Variants in EGFR observed in about 807,000 individuals in gnomAD.
EGFR encodes avian erythroblastic leukemia viral (v-erb-b) oncogene homolog.
Under a neutral mutation model 143.0 loss-of-function variants are expected in EGFR, and 58 were observed. The ratio of observed to expected loss-of-function variants is 0.41; its 90% CI spans 0.33 to 0.50. EGFR has a LOEUF of 0.50. Among genes scored for constraint, EGFR ranks in the 20% least tolerant of loss-of-function variants. The pLI, the probability that EGFR is intolerant of heterozygous loss-of-function variation, is 0.39. For synonymous variants in EGFR, 613 were observed against 594.4 expected, an observed-to-expected ratio of 1.03 and a Z score of -0.45; for missense variants, 1,307 against 1,579.0, an observed-to-expected ratio of 0.83 and a Z score of 2.92.
chr7:55,169,678 A>C (rs990902308), intron 15 of EGFR, among the ~76,000 whole-genome samples: 4 of 152,056 alleles, frequency 2.6e-5, no homozygotes, highest in Non-Finnish European at 5.9e-5. Context: ...AGAGTTACCG[A>C]GGGCCTCATC....
Position 55,205,502 on chromosome 7 carries a change from A to G in EGFR, c.3518A>G (p.Gln1173Arg), listed in dbSNP as rs147896627. ...ATTAGCCTGGACAACCCTGACTACC[A>G]GCAGGACTTCTTTCCCAAGGAAGCC... The part of the protein sequence containing the change: ...HQISLDNPDY[Q>R]QDFFPKEAKP... Residue 1173 changes from glutamine (Q) to arginine (R), a missense_variant, in exon 28 of 28, where the codon CAG becomes CGG. Gln to Arg is a conservative substitution (Grantham distance 43, BLOSUM62 1). Around this residue, in one of 7 missense-constraint regions of EGFR, gnomAD observed 313 missense variants for 312.3 expected, o/e 1.00. Transcript: ENST00000275493. 2.5e-6 allele frequency: 4 copies of G among 1,614,118 alleles called. No individual in the cohort carries two copies. The highest frequency in any genetic ancestry group is 3.3e-5 in the Admixed American group (2 of 60,002).
intron 11 of EGFR, 117 bp from the exon 12 acceptor site, chr7:55,160,022 T>C: frequency 9.1e-7 from 1 of 1,097,442 alleles, no homozygotes; most frequent in Non-Finnish European, 1.3e-6. Context: ...CAGCATGACC[T>C]ACCATCATTG....
chr7:55,075,264 C>A (rs1790071101), intron 1 of EGFR, among the ~76,000 whole-genome samples: 1 of 152,004 alleles, frequency 6.6e-6, no homozygotes, highest in Non-Finnish European at 1.5e-5. Flanking sequence ...TTGGGCCTAA[C>A]TTATCTGTGA....
rs1292930041 is a variant in EGFR at position 55,207,415 on chromosome 7, G to A, written c.*1798G>A. On this transcript the variant is annotated 3_prime_UTR_variant, in exon 28 of 28. Coordinates refer to ENST00000275493, the MANE Select transcript of EGFR (RefSeq NM_005228.5). The stretch of plus-strand genomic sequence containing the variant: ...AAGATACAAAGATAAATAAAACATA[G>A]TCCCTGATTCTAAGAAATTCACAAT... The A allele has an allele frequency of 9.9e-6, 2 of 202,886 alleles. No individual in the cohort carries two copies. Among genetic ancestry groups the A allele is most frequent in the African/African-American group, 4.6e-5 (2 of 43,620 alleles). The allele number at this position is 202,886 out of a possible 1,614,324, so 12.6% of individuals were successfully genotyped here. A position where few individuals can be genotyped will look rare whatever the true frequency, so the allele number is the denominator to read the frequency against.
chr7:55,202,413 T>C, intron 26 of EGFR, 104 bp from the exon 27 acceptor site: 1 of 1,000,664 alleles, frequency 1.0e-6, no homozygotes. Context: ...CTGCCCAACC[T>C]ACTAATCAGA....
intron 1 of EGFR, among the ~76,000 whole-genome samples, chr7:55,108,010 A>G (rs1440201808): frequency 6.6e-6 from 1 of 152,238 alleles, no homozygotes; most frequent in African/African-American, 2.4e-5. Context: ...CCTTAGAAAA[A>G]TCTGTATTTC....
intron 1 of EGFR, among the ~76,000 whole-genome samples, chr7:55,104,153 C>T (rs1180944515): frequency 3.9e-5 from 6 of 152,164 alleles, no homozygotes; most frequent in African/African-American, 7.2e-5. Flanking sequence ...AGCAGCTTCT[C>T]GAATGCTCCT....
chr7:55,149,880 C>T (rs531781158), intron 4 of EGFR, among the ~76,000 whole-genome samples: 22 of 152,172 alleles, frequency 1.4e-4, no homozygotes, highest in African/African-American at 5.1e-4. Context: ...GGAAAAATTG[C>T]CATGTTTTAT....
At chr7:55,152,334 C>A (rs548566111) in intron 5 of EGFR, 1 of 749,056 alleles carries the variant, frequency 1.3e-6, no homozygotes, top group Non-Finnish European at 2.5e-6. Flanking sequence ...TAGACTTGAT[C>A]TCATGAGTTC....
In EGFR at chr7:55,137,156, T is replaced by TACCTCTAG. The variant is rs535775691; in HGVS notation, c.89-5129_89-5128insCCTCTAGA. On this transcript the variant is annotated intron_variant, in intron 1 of 27. Transcript: ENST00000275493. ...TTGCAGAACAGGCTTTTCTAGAGGG[T>TACCTCTAG]AGGCCTTTAAGCGTACCTCGAAGAT... Among the ~76,000 whole-genome samples the TACCTCTAG allele has an allele frequency of 2.4e-4, 37 of 152,122 alleles. No homozygotes were observed. The South Asian group carries it at 7.5e-3, about 31-fold the overall frequency.
At chr7:55,163,879 G>T in intron 14 of EGFR, 56 bp downstream of exon 14, 1 of 1,587,320 alleles carries the variant, frequency 6.3e-7, no homozygotes, top group Non-Finnish European at 8.6e-7. Context: ...CTTCACAGAA[G>T]CCGAACAGTG....
chr7:55,109,993 A>G, intron 1 of EGFR: 1 of 971,356 alleles, frequency 1.0e-6, no homozygotes, highest in Non-Finnish European at 1.2e-6. Flanking sequence ...AGAAAGAAAA[A>G]TGTGAGAGAT....
At chr7:55,124,793 G>A (rs1793425272) in intron 1 of EGFR, among the ~76,000 whole-genome samples, 1 of 152,188 alleles carries the variant, frequency 6.6e-6, no homozygotes, top group South Asian at 2.1e-4. Flanking sequence ...AGCCTCCAGT[G>A]CTCCTACTAC....
chr7:55,031,193 G>C (rs1010767029), intron 1 of EGFR, among the ~76,000 whole-genome samples: 1 of 152,174 alleles, frequency 6.6e-6, no homozygotes, highest in African/African-American at 2.4e-5. Context: ...GGATTGCCAG[G>C]AGAACACATC....
intron 1 of EGFR, among the ~76,000 whole-genome samples, chr7:55,047,845 C>A (rs1788269459): frequency 6.6e-6 from 1 of 152,164 alleles, no homozygotes. Context: ...AGAGAAGAAT[C>A]ATGCAAATAA....
At chr7:55,072,061 T>C (rs543066126) in intron 1 of EGFR, among the ~76,000 whole-genome samples, 17 of 151,672 alleles carry the variant, frequency 1.1e-4, no homozygotes, top group African/African-American at 3.9e-4. Context: ...GCGTCCACTG[T>C]GTGCCACAGT....
At chr7:55,160,864 G>A (rs1042472011) in intron 12 of EGFR, among the ~76,000 whole-genome samples, 1 of 152,324 alleles carries the variant, frequency 6.6e-6, no homozygotes, top group Non-Finnish European at 1.5e-5. Flanking sequence ...ATCTGTTTAG[G>A]CTTTGGCTTC....
At chr7:55,060,781 G>T (rs1001097342) in intron 1 of EGFR, among the ~76,000 whole-genome samples, 1 of 152,138 alleles carries the variant, frequency 6.6e-6, no homozygotes, top group South Asian at 2.1e-4. Context: ...TAGGTTTTGG[G>T]GCTCTGGATA....
rs1399582136 is a variant in EGFR, at chr7:55,192,841, G to C, written c.2701G>C (p.Gly901Arg). Residue 901 changes from glycine to arginine, a missense_variant and splice_region_variant, in exon 22 of 28, where the codon GGG becomes CGG. By Grantham distance (125) the Gly-to-Arg change is moderately radical. Coordinates refer to ENST00000275493, the MANE Select transcript of EGFR (RefSeq NM_005228.5). ...YTHQSDVWSY[G>R]VTVWELMTFG... ...CCACCAGAGTGATGTCTGGAGCTAC[G>C]GTGAGTCATAATCCTGATGCTAATG... 6.2e-7 allele frequency: 1 copy of C among 1,613,962 alleles called. No individual in the cohort carries two copies. Among genetic ancestry groups the C allele is most frequent in the African/African-American group, 1.3e-5 (1 of 74,908 alleles).
Sources: gnomAD v4.1 joint callset for allele counts (sites outside exome capture counted in the v4.1 genomes callset) on GRCh38, gnomAD v4.1.1 for gene constraint, gnomAD v4.1.1 regional missense constraint, MANE v1.5 for transcripts, NCBI Gene and HGNC (gene_info 2026-07-23, HGNC 2026-07-21) for gene names.